The following S100A8 variants were observed in gnomAD, a reference collection of about 807,000 sequenced individuals.
The protein encoded by S100A8 is protein S100-A8.
S100A8 carries 1 observed loss-of-function variant against 4.2 expected under a neutral mutation model. That is an observed-to-expected ratio of 0.24 (90% CI 0.08 to 1.12). S100A8 has a LOEUF of 1.12. Ranked by LOEUF, S100A8 falls within the 50% of genes most tolerant of loss-of-function variation. The pLI, the probability that S100A8 is intolerant of heterozygous loss-of-function variation, is 0.53. For missense variants in S100A8, 96 were observed against 111.8 expected, an observed-to-expected ratio of 0.86 and a Z score of 0.64; for synonymous variants, 41 against 44.7, an observed-to-expected ratio of 0.92 and a Z score of 0.33.
chr1:153,412,197 A>G, the S100A8 span, among the ~76,000 whole-genome samples: 3 of 152,318 alleles, frequency 2.0e-5, no homozygotes, highest in East Asian at 5.8e-4. Context: ...TGAACAGGCA[A>G]CCTACAGAAT....
chr1:153,402,621 C>A, the S100A8 span, among the ~76,000 whole-genome samples: 1 of 152,112 alleles, frequency 6.6e-6, no homozygotes, highest in African/African-American at 2.4e-5. Flanking sequence ...GATGGGAAGC[C>A]ACTAAAAGTT....
upstream of S100A8, among the ~76,000 whole-genome samples, chr1:153,392,837 A>G (rs1367825171): frequency 2.6e-5 from 4 of 152,304 alleles, no homozygotes; most frequent in Admixed American, 2.6e-4. Flanking sequence ...CTCTCTCTGG[A>G]TGTGAGCCAT....
chr1:153,391,147 A>G, upstream of S100A8: 1 of 985,512 alleles, frequency 1.0e-6, no homozygotes, highest in Non-Finnish European at 1.2e-6. Context: ...GCCATCAGAG[A>G]CAGCTTCTCC....
chr1:153,409,439 A>G, the S100A8 span, among the ~76,000 whole-genome samples: 1 of 152,364 alleles, frequency 6.6e-6, no homozygotes, highest in East Asian at 1.9e-4. Context: ...TATCCTAAAT[A>G]TATATGCACC....
chr1:153,404,067 G>T, the S100A8 span, among the ~76,000 whole-genome samples: 1 of 152,128 alleles, frequency 6.6e-6, no homozygotes, highest in Non-Finnish European at 1.5e-5. Flanking sequence ...CTTTACTCAT[G>T]ATTACTGGTT....
At chr1:153,401,196 T>G in the S100A8 span, among the ~76,000 whole-genome samples, 1 of 152,260 alleles carries the variant, frequency 6.6e-6, no homozygotes, top group Non-Finnish European at 1.5e-5. Context: ...TCTGTTTGCA[T>G]TTATCAAAAT....
chr1:153,394,408 T>G (rs759475827), upstream of S100A8, among the ~76,000 whole-genome samples: 11 of 152,168 alleles, frequency 7.2e-5, no homozygotes, highest in Admixed American at 1.3e-4. Context: ...ATGGTCTTCA[T>G]GCCTCTAGAC....
At chr1:153,415,013 G>T in the S100A8 span, among the ~76,000 whole-genome samples, 2 of 152,162 alleles carry the variant, frequency 1.3e-5, no homozygotes, top group Non-Finnish European at 2.9e-5. Flanking sequence ...ACTTACACAT[G>T]AGGGTGCACA....
the S100A8 span, chr1:153,419,448 T>G: frequency 1.0e-6 from 1 of 1,000,172 alleles, no homozygotes. Flanking sequence ...TGTTGGAGAA[T>G]TTCCCCCACC....
At chr1:153,414,502 T>A in the S100A8 span, among the ~76,000 whole-genome samples, 1 of 152,092 alleles carries the variant, frequency 6.6e-6, no homozygotes. Context: ...AATAAGCATA[T>A]CAGCTGATGC....
the S100A8 span, among the ~76,000 whole-genome samples, chr1:153,398,244 T>C: frequency 6.6e-6 from 1 of 152,130 alleles, no homozygotes; most frequent in Admixed American, 6.5e-5. Context: ...GGGTCTACGT[T>C]TGATGACAAA....
chr1:153,409,316 G>C, the S100A8 span, among the ~76,000 whole-genome samples: 1 of 152,280 alleles, frequency 6.6e-6, no homozygotes, highest in Non-Finnish European at 1.5e-5. Context: ...AAAAAAAGCA[G>C]TGCTTGCAAT....
chr1:153,390,950 C>T lies in S100A8; in HGVS notation c.-23+91G>A, dbSNP rs534618086. 3.2e-4 allele frequency: 294 copies of T among 919,908 alleles called. 2 individuals carry two copies. In the African/African-American group the frequency reaches 4.6e-3, roughly 15 times the overall value. 57.0% of individuals were successfully genotyped at this position (919,908 alleles called of 1,614,324 possible). A position where few individuals can be genotyped will look rare whatever the true frequency, so the allele number is the denominator to read the frequency against. On this transcript the variant is annotated intron_variant, in intron 1 of 2. Coordinates refer to ENST00000368733, the MANE Select transcript of S100A8 (RefSeq NM_002964.5). Reference sequence around the variant, plus strand: ...TTTGCTCCAGACCTCCCTGAGCTTTCTCTCTCCTCTCTCAGGAAGGCTGCT... The same window carrying T: ...TTTGCTCCAGACCTCCCTGAGCTTTTTCTCTCCTCTCTCAGGAAGGCTGCT...
the S100A8 span, among the ~76,000 whole-genome samples, chr1:153,409,240 G>A: frequency 1.3e-5 from 2 of 152,132 alleles, no homozygotes; most frequent in African/African-American, 4.8e-5. Flanking sequence ...CCTATCTCAG[G>A]TGGAGAGATA....
the S100A8 span, among the ~76,000 whole-genome samples, chr1:153,396,087 C>A: frequency 1.3e-5 from 2 of 152,224 alleles, no homozygotes; most frequent in Non-Finnish European, 2.9e-5. Flanking sequence ...CTGAACACTG[C>A]GGGTGGGGAC....
chr1:153,390,552 C>A lies in S100A8; in HGVS notation c.-17G>T, dbSNP rs947360743. 3 of 1,613,744 alleles carry A rather than the reference C, an allele frequency of 1.9e-6. No individual in the cohort carries two copies. In the African/African-American group the frequency reaches 4.0e-5, roughly 22 times the overall value. On this transcript the variant is annotated 5_prime_UTR_variant, in exon 2 of 3. Transcript: ENST00000368733. The stretch of plus-strand genomic sequence containing the variant: ...GGTCAACATGATGCCCACGGACTTG[C>A]CCCACCTGAAAAACAGAACCTTCTG...
chr1:153,397,954 T>G, the S100A8 span, among the ~76,000 whole-genome samples: 1 of 152,212 alleles, frequency 6.6e-6, no homozygotes, highest in Non-Finnish European at 1.5e-5. Context: ...TGGTACAGTT[T>G]GCCCTGGAAA....
Position 153,390,254 on chromosome 1 carries a change from T to TGAG in S100A8, c.142-14_142-12dup. The TGAG allele has an allele frequency of 6.2e-7, 1 of 1,606,934 alleles. No homozygotes were observed. Among genetic ancestry groups the TGAG allele is most frequent in the Non-Finnish European group, 8.5e-7 (1 of 1,175,450 alleles). Reference sequence around the variant, plus strand: ...GTCTGCACCCTTTTTCTGTCAAGATTGAGGAGGAAGAAGCCAGAGTTTAAA... The same window carrying TGAG: ...GTCTGCACCCTTTTTCTGTCAAGATTGAGGAGGAGGAAGAAGCCAGAGTTTAAA... On this transcript the variant is annotated splice_polypyrimidine_tract_variant and intron_variant, in intron 2 of 2. Coordinates refer to ENST00000368733, the MANE Select transcript of S100A8 (RefSeq NM_002964.5).
At chr1:153,397,609 G>T in the S100A8 span, among the ~76,000 whole-genome samples, 21,546 of 152,176 alleles carry the variant, frequency 0.14, 1,740 homozygotes, top group African/African-American at 0.22. Flanking sequence ...TGGGCAGGGC[G>T]GGTGAGGCAG....
Sources: gnomAD v4.1 joint callset for allele counts (sites outside exome capture counted in the v4.1 genomes callset) on GRCh38, gnomAD v4.1.1 for gene constraint, MANE v1.5 for transcripts, NCBI Gene and HGNC (gene_info 2026-07-23, HGNC 2026-07-21) for gene names.